MTARC1: variants seen among roughly 807,000 people sequenced by gnomAD.
MTARC1 encodes the protein mitochondrial amidoxime reducing component 1.
Under a neutral mutation model 33.6 loss-of-function variants are expected in MTARC1, and 24 were observed. The ratio of observed to expected loss-of-function variants is 0.72; its 90% CI spans 0.52 to 1.01. MTARC1 has a LOEUF of 1.01. Ranked by LOEUF, MTARC1 falls within the 50% of genes least tolerant of loss-of-function variation. MTARC1 has a pLI of 0.00. For synonymous variants in MTARC1, 187 were observed against 189.5 expected (o/e 0.99, Z 0.11); for missense variants, 417 against 445.7 (o/e 0.94, Z 0.58).
rs200421901 is a variant in MTARC1 at position 220,791,572 on chromosome 1, C to T, written c.357C>T (p.Cys119=). Residue 119 remains cysteine, a synonymous_variant, in exon 2 of 7, where the codon TGC becomes TGT. Transcript: ENST00000366910. The part of the protein sequence containing the change: ...EPRLVLISLT[C]DGDTLTLSAA... ...GCCTGGTCCTGATTTCCCTGACCTGCGATGGTGACACCCTGACTCTCAGTG... is the reference window on the plus strand; with the variant it reads ...GCCTGGTCCTGATTTCCCTGACCTGTGATGGTGACACCCTGACTCTCAGTG... 1.9e-4 allele frequency: 301 copies of T among 1,614,134 alleles called. 2 individuals carry two copies. In the East Asian group the frequency reaches 5.8e-3, roughly 31 times the overall value.
chr1:220,797,485 G>A (rs186752398), intron 3 of MTARC1, among the ~76,000 whole-genome samples: 81 of 152,292 alleles, frequency 5.3e-4, no homozygotes, highest in African/African-American at 1.6e-3. Context: ...ATATTAATTT[G>A]TAAGTTGCAT....
At chr1:220,787,832 A>G (rs567340916) in intron 1 of MTARC1, among the ~76,000 whole-genome samples, 22 of 149,196 alleles carry the variant, frequency 1.5e-4, no homozygotes, top group African/African-American at 5.4e-4. Flanking sequence ...TCTACTAAAA[A>G]CAAACAAACA....
intron 2 of MTARC1, among the ~76,000 whole-genome samples, chr1:220,795,263 G>GT (rs1672573948): frequency 6.6e-6 from 1 of 152,140 alleles, no homozygotes; most frequent in Non-Finnish European, 1.5e-5. Flanking sequence ...TCACAACAAA[G>GT]TTCTGCTTCT....
chr1:220,800,058 G>T (rs1329087988), intron 4 of MTARC1, among the ~76,000 whole-genome samples: 1 of 152,152 alleles, frequency 6.6e-6, no homozygotes, highest in Non-Finnish European at 1.5e-5. Flanking sequence ...TTTGTGCACC[G>T]AGGGTCATGC....
chr1:220,803,538 G>T (rs1672877801), intron 4 of MTARC1, among the ~76,000 whole-genome samples: 7 of 152,138 alleles, frequency 4.6e-5, no homozygotes, highest in Admixed American at 4.6e-4. Flanking sequence ...AGCCTGCTCT[G>T]ATTGCTGGAC....
intron 1 of MTARC1, among the ~76,000 whole-genome samples, chr1:220,790,303 G>A (rs1039539735): frequency 2.6e-5 from 4 of 152,074 alleles, no homozygotes; most frequent in Non-Finnish European, 2.9e-5. Context: ...AATGGCTGGA[G>A]CAACAGCTGG....
At chr1:220,795,552 C>T (rs1019314447) in intron 2 of MTARC1, among the ~76,000 whole-genome samples, 2 of 152,070 alleles carry the variant, frequency 1.3e-5, no homozygotes, top group African/African-American at 4.8e-5. Flanking sequence ...TATGTAGTTA[C>T]CTATATAATT....
chr1:220,787,013 C>T lies in MTARC1; in HGVS notation c.69C>T (p.Leu23=). The T allele has an allele frequency of 2.3e-6, 3 of 1,308,906 alleles. No homozygotes were observed. The highest frequency in any genetic ancestry group is 2.9e-6 in the Non-Finnish European group (3 of 1,036,784). The allele number at this position is 1,308,906 out of a possible 1,614,324, so 81.1% of individuals were successfully genotyped here. A position where few individuals can be genotyped will look rare whatever the true frequency, so the allele number is the denominator to read the frequency against. ...VLLAQSRPGW[L]GVAALGLTAV... ...TCGCGCAATCCCGGCCCGGGTGGCT[C>T]GGGGTTGCCGCGCTGGGCCTGACCG... The change falls in exon 1 of 7, where the codon CTC becomes CTT. Residue 23 remains leucine, a synonymous_variant. Coordinates refer to ENST00000366910, the MANE Select transcript of MTARC1 (RefSeq NM_022746.4).
At position 220,813,368 on chromosome 1, in the gene MTARC1, A is replaced by G. The variant is rs969498631; in HGVS notation, c.964A>G (p.Asn322Asp). 8.7e-6 allele frequency: 14 copies of G among 1,614,126 alleles called. No individual in the cohort carries two copies. Among genetic ancestry groups the G allele is most frequent in the Non-Finnish European group, 1.2e-5 (14 of 1,180,032 alleles). Residue 322 changes from asparagine (N) to aspartate (D), a missense_variant, in exon 7 of 7, where the codon AAC (asparagine) becomes GAC (aspartate). Asn to Asp is a conservative substitution (Grantham distance 23, BLOSUM62 1). Transcript: ENST00000366910. ...PLFGQYFVLENPGTIKVGDPV... is the reference protein window; with the variant it reads ...PLFGQYFVLEDPGTIKVGDPV... ...CTTTGGGCAGTATTTTGTGCTGGAA[A>G]ACCCAGGGACCATCAAAGTGGGAGA...
In MTARC1 at chr1:220,813,419, T is replaced by G; in HGVS notation, c.*1T>G. On this transcript the variant is annotated 3_prime_UTR_variant, in exon 7 of 7. Transcript: ENST00000366910. ...CCCTGTGTACCTGCTGGGCCAGTAATGGGAACCGTATGTCCTGGAATATTA... is the reference window on the plus strand; with the variant it reads ...CCCTGTGTACCTGCTGGGCCAGTAAGGGGAACCGTATGTCCTGGAATATTA... 2 of 1,614,158 alleles carry G rather than the reference T, an allele frequency of 1.2e-6. No homozygotes were observed. Among genetic ancestry groups the G allele is most frequent in the Non-Finnish European group, 1.7e-6 (2 of 1,180,004 alleles).
intron 5 of MTARC1, 24 bp downstream of exon 5, chr1:220,805,137 G>A: frequency 1.2e-6 from 2 of 1,614,092 alleles, no homozygotes; most frequent in Non-Finnish European, 1.7e-6. Context: ...CTGTCCCTGT[G>A]GGGTGGAGGT....
intron 4 of MTARC1, among the ~76,000 whole-genome samples, chr1:220,803,806 T>C (rs1672888283): frequency 6.6e-6 from 1 of 152,210 alleles, no homozygotes; most frequent in Non-Finnish European, 1.5e-5. Context: ...TATGTGTTTT[T>C]TTGTGACCAT....
intron 5 of MTARC1, 34 bp downstream of exon 5, chr1:220,805,147 T>G: frequency 6.2e-7 from 1 of 1,613,802 alleles, no homozygotes; most frequent in Middle Eastern, 1.6e-4. Flanking sequence ...GGGGTGGAGG[T>G]GGGGATAAGT....
At chr1:220,808,714 C>A in intron 6 of MTARC1, 2 of 412,340 alleles carry the variant, frequency 4.9e-6, no homozygotes, top group Non-Finnish European at 1.0e-5. Flanking sequence ...CAGGCAGAGC[C>A]CGCGGTGGTA....
chr1:220,788,873 G>A (rs1025867059), intron 1 of MTARC1, among the ~76,000 whole-genome samples: 10 of 151,900 alleles, frequency 6.6e-5, no homozygotes, highest in African/African-American at 2.2e-4. Context: ...CAGAGGCAAA[G>A]GGCACTGGAA....
chr1:220,811,412 G>A (rs1673130455), intron 6 of MTARC1, among the ~76,000 whole-genome samples: 1 of 152,218 alleles, frequency 6.6e-6, no homozygotes, highest in African/African-American at 2.4e-5. Context: ...CAGGCCATGA[G>A]AATGCAACAG....
intron 6 of MTARC1, among the ~76,000 whole-genome samples, chr1:220,811,061 G>A (rs1673118109): frequency 6.6e-6 from 1 of 152,232 alleles, no homozygotes; most frequent in Non-Finnish European, 1.5e-5. Flanking sequence ...AAGATAATGA[G>A]AGTCTGGACT....
chr1:220,809,177 C>T (rs1673054978), intron 6 of MTARC1, among the ~76,000 whole-genome samples: 1 of 152,210 alleles, frequency 6.6e-6, no homozygotes, highest in Admixed American at 6.5e-5. Flanking sequence ...GTCGCTTAGG[C>T]TCTTCAAGTC....
At chr1:220,794,739 T>C (rs951579640) in intron 2 of MTARC1, among the ~76,000 whole-genome samples, 2 of 152,206 alleles carry the variant, frequency 1.3e-5, no homozygotes, top group East Asian at 3.8e-4. Context: ...AGGCAGACAC[T>C]CCTGGTCTTT....
Sources: gnomAD v4.1 joint callset for allele counts (sites outside exome capture counted in the v4.1 genomes callset) on GRCh38, gnomAD v4.1.1 for gene constraint, MANE v1.5 for transcripts, NCBI Gene and HGNC (gene_info 2026-07-23, HGNC 2026-07-21) for gene names.